The following IL6R variants were observed in gnomAD, a reference collection of about 807,000 sequenced individuals.
IL6R encodes the protein interleukin 6 receptor, also known as interleukin-6 receptor subunit alpha.
In IL6R, 38 loss-of-function variants were observed where a neutral mutation model predicts 48.3. That is an observed-to-expected ratio of 0.79 (90% CI 0.61 to 1.03). The LOEUF is 1.03. IL6R is among the 50% of genes least tolerant of loss of function. IL6R has a pLI of 0.00. For missense variants in IL6R, 534 were observed against 618.3 expected (o/e 0.86, Z 1.45); for synonymous variants, 264 against 256.2 (o/e 1.03, Z -0.29).
chr1:154,462,961 C>T lies in IL6R; in HGVS notation c.1161-2173C>T, dbSNP rs116309176. ...TAGCTGGGATTACAGGCATGCGCCA[C>T]GACACCCGGCTAATTCTTTTTTAGT... On this transcript the variant is annotated intron_variant, in intron 9 of 9. Coordinates refer to ENST00000368485, the MANE Select transcript of IL6R (RefSeq NM_000565.4). 9.2e-3 allele frequency among the ~76,000 whole-genome samples: 1,406 copies of T among 152,144 alleles called. 14 individuals carry two copies. Among genetic ancestry groups the T allele is most frequent in the South Asian group, 0.053 (255 of 4,820 alleles).
At chr1:154,432,357 CT>C (rs1171656160) in intron 3 of IL6R, among the ~76,000 whole-genome samples, 3,253 of 139,226 alleles carry the variant, frequency 0.023, 72 homozygotes, top group African/African-American at 0.069. Flanking sequence ...AACTGAAATA[CT>C]TTTTTTTTTT....
chr1:154,443,950 T>C (rs1371552930), intron 6 of IL6R, among the ~76,000 whole-genome samples: 1 of 150,334 alleles, frequency 6.7e-6, no homozygotes, highest in Non-Finnish European at 1.5e-5. Flanking sequence ...CCCACCCAGC[T>C]ACCCAGCCAG....
chr1:154,455,289 G>A (rs555059991), intron 9 of IL6R, among the ~76,000 whole-genome samples: 5 of 152,152 alleles, frequency 3.3e-5, no homozygotes, highest in South Asian at 2.1e-4. Context: ...TGAAGGGGGC[G>A]CAGCACGGTT....
intron 7 of IL6R, among the ~76,000 whole-genome samples, chr1:154,449,187 G>T (rs573638627): frequency 5.3e-4 from 1 of 1,900 alleles, no homozygotes; most frequent in Non-Finnish European, 9.6e-4. Context: ...GAGCCACCGC[G>T]CCCGGCCTTG....
intron 1 of IL6R, chr1:154,414,716 G>T: frequency 1.2e-6 from 1 of 824,146 alleles, no homozygotes; most frequent in Non-Finnish European, 2.1e-6. Context: ...ATTAGGTATT[G>T]CTCCAGGGAC....
At chr1:154,424,311 C>T (rs759229586) in intron 1 of IL6R, among the ~76,000 whole-genome samples, 3 of 152,164 alleles carry the variant, frequency 2.0e-5, no homozygotes, top group Non-Finnish European at 4.4e-5. Flanking sequence ...TCACCATGGT[C>T]GGGGAAGGGA....
At chr1:154,460,353 A>G (rs1341100522) in intron 9 of IL6R, among the ~76,000 whole-genome samples, 2 of 152,198 alleles carry the variant, frequency 1.3e-5, no homozygotes, top group Admixed American at 1.3e-4. Flanking sequence ...AGTGATTTTC[A>G]GAAAAGAATT....
In IL6R at chr1:154,465,157, G is replaced by A. The variant is rs371236018; in HGVS notation, c.1184G>A (p.Arg395Gln). 1.2e-4 allele frequency: 191 copies of A among 1,614,110 alleles called. No homozygotes were observed. The South Asian group carries it at 1.4e-3, about 12-fold the overall frequency. The change falls in exon 10 of 10, where the codon CGG (arginine) becomes CAG (glutamine). Residue 395 changes from arginine to glutamine, a missense_variant. Arg to Gln is a conservative substitution (Grantham distance 43). Coordinates refer to ENST00000368485, the MANE Select transcript of IL6R (RefSeq NM_000565.4). Reference protein sequence around the residue: ...VLRFKKTWKLRALKEGKTSMH... With the variant: ...VLRFKKTWKLQALKEGKTSMH... ...AGGTTCAAGAAGACGTGGAAGCTGCGGGCTCTGAAGGAAGGCAAGACAAGC... is the reference window on the plus strand; with the variant it reads ...AGGTTCAAGAAGACGTGGAAGCTGCAGGCTCTGAAGGAAGGCAAGACAAGC...
chr1:154,445,880 A>G (rs2098376144), intron 6 of IL6R, among the ~76,000 whole-genome samples: 1 of 152,092 alleles, frequency 6.6e-6, no homozygotes, highest in South Asian at 2.1e-4. Flanking sequence ...CTGCACGAGC[A>G]TCCATGGGCA....
chr1:154,460,784 G>A (rs894100577), intron 9 of IL6R, among the ~76,000 whole-genome samples: 6 of 152,160 alleles, frequency 3.9e-5, no homozygotes, highest in Non-Finnish European at 5.9e-5. Context: ...AGGAGGAGAT[G>A]GGAGGAAACC....
At chr1:154,454,006 C>T (rs183873388) in intron 8 of IL6R, 2 of 166,978 alleles carry the variant, frequency 1.2e-5, no homozygotes, top group Admixed American at 1.1e-4. Context: ...ATGACACCCC[C>T]ATGGAGAAAA....
In IL6R at chr1:154,454,581, G is replaced by A; in HGVS notation, c.1160G>A (p.Arg387Lys). Residue 387 changes from arginine (R) to lysine (K), a missense_variant and splice_region_variant, in exon 9 of 10, where the codon AGG (arginine) becomes AAG (lysine). Coordinates refer to ENST00000368485, the MANE Select transcript of IL6R (RefSeq NM_000565.4). ...GTLLCIAIVL[R>K]FKKTWKLRAL... ...CTCCTCTGCATTGCCATTGTTCTGA[G>A]GTGAGATGGGTCCCAGGGGATGGCC... 1 of 1,604,076 alleles carries A rather than the reference G, an allele frequency of 6.2e-7. No homozygotes were observed. Among genetic ancestry groups the A allele is most frequent in the Non-Finnish European group, 8.5e-7 (1 of 1,170,914 alleles).
intron 1 of IL6R, among the ~76,000 whole-genome samples, chr1:154,418,889 C>G (rs1026168615): frequency 5.9e-5 from 9 of 152,130 alleles, no homozygotes; most frequent in Non-Finnish European, 1.2e-4. Flanking sequence ...GCTGACCCCC[C>G]CTTGTGCACA....
intron 1 of IL6R, among the ~76,000 whole-genome samples, chr1:154,419,015 C>T (rs1382002871): frequency 6.6e-6 from 1 of 151,946 alleles, no homozygotes; most frequent in African/African-American, 2.4e-5. Flanking sequence ...GTGGGGAGCC[C>T]AGAGAAGGGA....
intron 1 of IL6R, among the ~76,000 whole-genome samples, chr1:154,412,768 A>G (rs1265473448): frequency 1.3e-5 from 2 of 152,108 alleles, no homozygotes; most frequent in African/African-American, 4.8e-5. Context: ...ACCTATGGTT[A>G]TTATTTCTAT....
intron 6 of IL6R, chr1:154,437,430 T>G (rs75460862): frequency 3.9e-5 from 15 of 385,758 alleles, no homozygotes; most frequent in Admixed American, 3.6e-4. Flanking sequence ...TTTTTTTTTT[T>G]GAAGACAGGC....
chr1:154,424,851 CA>C (rs955819432), intron 1 of IL6R, among the ~76,000 whole-genome samples: 1 of 152,126 alleles, frequency 6.6e-6, no homozygotes, highest in African/African-American at 2.4e-5. Context: ...GGAAGGGCTT[CA>C]TTCGGCTGGG....
rs1477003714 is a variant in IL6R at position 154,466,323 on chromosome 1, G to A, written c.*943G>A. The A allele has an allele frequency of 6.6e-6, 1 of 152,224 alleles. No individual in the cohort carries two copies. The highest frequency in any genetic ancestry group is 1.5e-5 in the Non-Finnish European group (1 of 68,052). The allele number at this position is 152,224 out of a possible 1,614,324, so 9.4% of individuals were successfully genotyped here. The stretch of plus-strand genomic sequence containing the variant: ...AAACGGTTTTACTGCAGCTTTGTTT[G>A]TTGTCAGCTGAACCTGGGTAACTAG... On this transcript the variant is annotated 3_prime_UTR_variant, in exon 10 of 10. Transcript: ENST00000368485.
chr1:154,430,459 A>C (rs1187841950), intron 2 of IL6R, 24 bp from the exon 3 acceptor site: 1 of 1,610,224 alleles, frequency 6.2e-7, no homozygotes, highest in South Asian at 1.1e-5. Flanking sequence ...CCGCCTGCTG[A>C]CACCTGCAAT....
Sources: gnomAD v4.1 joint callset for allele counts (sites outside exome capture counted in the v4.1 genomes callset) on GRCh38, gnomAD v4.1.1 for gene constraint, MANE v1.5 for transcripts, NCBI Gene and HGNC (gene_info 2026-07-23, HGNC 2026-07-21) for gene names.